The following SNTG1 variants were observed in gnomAD, a reference collection of about 807,000 sequenced individuals.
SNTG1 encodes syntrophin gamma 1.
SNTG1 carries 39 observed loss-of-function variants against 74.7 expected under a neutral mutation model. That is an observed-to-expected ratio of 0.52 (90% CI 0.40 to 0.68). SNTG1 has a LOEUF of 0.68. Among genes scored for constraint, SNTG1 ranks in the 30% least tolerant of loss-of-function variants. The probability of loss-of-function intolerance (pLI) is 0.00; values close to 1 mark genes in which losing one functional copy is unlikely to be tolerated. For synonymous variants in SNTG1, 254 were observed against 217.1 expected, an observed-to-expected ratio of 1.17 and a Z score of -1.49; for missense variants, 685 against 609.5, an observed-to-expected ratio of 1.12 and a Z score of -1.30.
Position 50,654,426 on chromosome 8 carries a change from T to C in SNTG1, c.850-2483T>C, listed in dbSNP as rs192819139. Among the ~76,000 whole-genome samples, 238 of 152,298 alleles carry C rather than the reference T, an allele frequency of 1.6e-3. 2 individuals carry two copies. The highest frequency in any genetic ancestry group is 0.01 in the Middle Eastern group (3 of 292). Reference sequence around the variant, plus strand: ...TGTCTAATTTCTAAATGGAACATTTTATAATCTATTATCTCAGATATACCC... The same window carrying C: ...TGTCTAATTTCTAAATGGAACATTTCATAATCTATTATCTCAGATATACCC... On this transcript the variant is annotated intron_variant, in intron 13 of 18. Coordinates refer to ENST00000642720, the MANE Select transcript of SNTG1 (RefSeq NM_018967.5).
chr8:50,759,895 G>A (rs964974443), intron 18 of SNTG1, among the ~76,000 whole-genome samples: 2 of 151,986 alleles, frequency 1.3e-5, no homozygotes, highest in Non-Finnish European at 2.9e-5. Flanking sequence ...GTCAGTGGTA[G>A]CTGGACAGGG....
chr8:50,718,279 G>C (rs1446362535), intron 17 of SNTG1, among the ~76,000 whole-genome samples: 2 of 152,200 alleles, frequency 1.3e-5, no homozygotes, highest in Non-Finnish European at 2.9e-5. Flanking sequence ...AAAATTAGGG[G>C]TTGGGAAGGG....
At chr8:50,389,961 T>A (rs975723406) in intron 2 of SNTG1, among the ~76,000 whole-genome samples, 12 of 152,238 alleles carry the variant, frequency 7.9e-5, no homozygotes, top group Admixed American at 5.9e-4. Flanking sequence ...TTGTTTGAGT[T>A]CTTTGTAGGT....
chr8:50,043,553 G>T (rs547780834), intron 1 of SNTG1, among the ~76,000 whole-genome samples: 2 of 152,292 alleles, frequency 1.3e-5, no homozygotes, highest in Admixed American at 6.5e-5. Context: ...GGAGTAAACT[G>T]TGAGTTCCTT....
Position 50,332,063 on chromosome 8 carries a change from A to G in SNTG1, c.-27-62149A>G, listed in dbSNP as rs530881698. On this transcript the variant is annotated intron_variant, in intron 2 of 18. Transcript: ENST00000642720. ...GCTGTTAAGTAGTTGCAGATCCATA[A>G]TTTAATTCTAAGCTTCTCTGACTCT... 3.9e-5 allele frequency among the ~76,000 whole-genome samples: 6 copies of G among 152,314 alleles called. No individual in the cohort carries two copies. In the South Asian group the frequency reaches 1.2e-3, roughly 32 times the overall value.
intron 8 of SNTG1, among the ~76,000 whole-genome samples, chr8:50,502,205 T>C (rs942053393): frequency 2.0e-5 from 3 of 152,140 alleles, no homozygotes; most frequent in South Asian, 2.1e-4. Context: ...AAAGAAAATA[T>C]TAAGTAGAAT....
At chr8:50,140,484 C>A (rs567464797) in intron 1 of SNTG1, among the ~76,000 whole-genome samples, 1 of 151,524 alleles carries the variant, frequency 6.6e-6, no homozygotes, top group African/African-American at 2.4e-5. Flanking sequence ...TGTGTGTTTG[C>A]GAGAATGTGT....
At chr8:50,290,830 G>T (rs901694255) in intron 2 of SNTG1, among the ~76,000 whole-genome samples, 2 of 151,780 alleles carry the variant, frequency 1.3e-5, no homozygotes, top group Admixed American at 1.3e-4. Context: ...GTGATCTCAG[G>T]GCTCACTGCA....
chr8:50,098,745 T>C (rs1188612692), intron 1 of SNTG1, among the ~76,000 whole-genome samples: 2 of 152,174 alleles, frequency 1.3e-5, no homozygotes, highest in African/African-American at 4.8e-5. Context: ...CAGTCCTTAT[T>C]TATAAGCCAT....
intron 13 of SNTG1, among the ~76,000 whole-genome samples, chr8:50,656,542 A>G (rs753193263): frequency 4.7e-4 from 71 of 152,184 alleles, no homozygotes; most frequent in Non-Finnish European, 8.7e-4. Flanking sequence ...TTCCCAATTA[A>G]TAAAATGTCA....
intron 2 of SNTG1, among the ~76,000 whole-genome samples, chr8:50,289,660 C>G (rs1184314844): frequency 6.6e-6 from 1 of 152,142 alleles, no homozygotes; most frequent in Admixed American, 6.6e-5. Context: ...CTGTTTTGCG[C>G]TTTGCTGTAT....
intron 1 of SNTG1, among the ~76,000 whole-genome samples, chr8:49,920,027 T>C (rs963942405): frequency 2.0e-5 from 3 of 152,112 alleles, no homozygotes; most frequent in African/African-American, 7.2e-5. Context: ...TTTATTTTTC[T>C]CTTCAAACAC....
At chr8:50,227,966 A>G (rs1376642066) in intron 2 of SNTG1, among the ~76,000 whole-genome samples, 1 of 151,380 alleles carries the variant, frequency 6.6e-6, no homozygotes, top group Non-Finnish European at 1.5e-5. Context: ...AGCAAAACAC[A>G]GTCTGAAGAG....
rs553472599 is a variant in SNTG1, at chr8:49,962,642, C to A, written c.-103+50411C>A. Among the ~76,000 whole-genome samples the A allele has an allele frequency of 1.6e-3, 245 of 152,194 alleles. 1 individual carries two copies. Among genetic ancestry groups the A allele is most frequent in the South Asian group, 0.013 (64 of 4,818 alleles). Reference sequence around the variant, plus strand: ...TAATGGCCTTGCTCTGTCACCCAGGCTGGGGTGCAGTGATGTGACCTCAAC... The same window carrying A: ...TAATGGCCTTGCTCTGTCACCCAGGATGGGGTGCAGTGATGTGACCTCAAC... On this transcript the variant is annotated intron_variant, in intron 1 of 18. Coordinates refer to ENST00000642720, the MANE Select transcript of SNTG1 (RefSeq NM_018967.5).
intron 1 of SNTG1, among the ~76,000 whole-genome samples, chr8:50,074,520 T>TG (rs1229171132): frequency 6.6e-6 from 1 of 152,198 alleles, no homozygotes; most frequent in African/African-American, 2.4e-5. Context: ...AGCTAGTTGT[T>TG]GGAACAGTCA....
At chr8:50,404,029 A>T (rs2092838862) in intron 4 of SNTG1, among the ~76,000 whole-genome samples, 1 of 152,192 alleles carries the variant, frequency 6.6e-6, no homozygotes. Flanking sequence ...TCATGATGAT[A>T]TGCATAGAAA....
At chr8:49,992,084 C>G (rs932741839) in intron 1 of SNTG1, among the ~76,000 whole-genome samples, 100 of 152,250 alleles carry the variant, frequency 6.6e-4, no homozygotes, top group Middle Eastern at 3.4e-3. Context: ...TTTGCGGGAA[C>G]AGAACTGGAA....
chr8:50,154,297 G>T (rs1412922096), intron 1 of SNTG1, among the ~76,000 whole-genome samples: 1 of 152,090 alleles, frequency 6.6e-6, no homozygotes, highest in African/African-American at 2.4e-5. Context: ...TATTAGGGTG[G>T]GAGTGACCCA....
At chr8:50,276,457 T>C (rs2088118332) in intron 2 of SNTG1, among the ~76,000 whole-genome samples, 1 of 151,300 alleles carries the variant, frequency 6.6e-6, no homozygotes, top group Non-Finnish European at 1.5e-5. Flanking sequence ...TCTTGTACTT[T>C]AATCTTCCTT....
Sources: allele counts gnomAD v4.1 joint callset (sites outside exome capture counted in the v4.1 genomes callset), GRCh38; gene constraint gnomAD v4.1.1; transcripts MANE v1.5; gene names NCBI Gene and HGNC (gene_info 2026-07-23, HGNC 2026-07-21).